The following NOS1 variants were observed in gnomAD, a reference collection of about 807,000 sequenced individuals.
The protein encoded by NOS1 is nitric oxide synthase 1.
Under a neutral mutation model 164.5 loss-of-function variants are expected in NOS1, and 51 were observed. The ratio of observed to expected loss-of-function variants is 0.31; its 90% CI spans 0.25 to 0.39. The LOEUF is 0.39. Ranked by LOEUF, NOS1 falls within the 10% of genes least tolerant of loss-of-function variation. The pLI is 1.00. For synonymous variants in NOS1, 719 were observed against 745.8 expected (o/e 0.96, Z 0.59); for missense variants, 1,362 against 1,885.6 (o/e 0.72, Z 5.14).
At chr12:117,347,475 C>T (rs1047101476) in intron 1 of NOS1, among the ~76,000 whole-genome samples, 9 of 152,104 alleles carry the variant, frequency 5.9e-5, no homozygotes, top group African/African-American at 2.2e-4. Flanking sequence ...GGGGCATGAG[C>T]TCTCTGGTTC....
At chr12:117,245,030 G>A (rs901356752) in intron 18 of NOS1, among the ~76,000 whole-genome samples, 6 of 152,162 alleles carry the variant, frequency 3.9e-5, no homozygotes, top group South Asian at 2.1e-4. Context: ...ATAAAAAGCC[G>A]TTATCTCATC....
chr12:117,353,140 C>T (rs1047335589), intron 1 of NOS1, among the ~76,000 whole-genome samples: 4 of 152,040 alleles, frequency 2.6e-5, no homozygotes, highest in African/African-American at 9.7e-5. Context: ...ATCTATCTAC[C>T]TACCTATATA....
intron 20 of NOS1, among the ~76,000 whole-genome samples, chr12:117,238,119 T>A (rs1358162017): frequency 6.6e-6 from 1 of 152,026 alleles, no homozygotes; most frequent in Non-Finnish European, 1.5e-5. Context: ...AGTGGCCAGA[T>A]CACAAGAGCC....
At chr12:117,324,138 G>A (rs1212105305) in intron 2 of NOS1, among the ~76,000 whole-genome samples, 6 of 152,088 alleles carry the variant, frequency 3.9e-5, no homozygotes, top group Non-Finnish European at 8.8e-5. Flanking sequence ...GCATCCTGTG[G>A]CCAGTGCTGT....
chr12:117,333,899 G>C (rs1026049856), intron 1 of NOS1, among the ~76,000 whole-genome samples: 4 of 152,278 alleles, frequency 2.6e-5, no homozygotes, highest in African/African-American at 4.8e-5. Flanking sequence ...GATGCTCACT[G>C]TTCAGTTGGT....
chr12:117,290,157 A>G (rs1872952086), intron 4 of NOS1, 141 bp downstream of exon 4: 1 of 900,710 alleles, frequency 1.1e-6, no homozygotes, highest in African/African-American at 1.7e-5. Context: ...GGGCGTACTG[A>G]CATCTAGGGG....
At chr12:117,328,569 T>A (rs543219648) in intron 2 of NOS1, among the ~76,000 whole-genome samples, 29 of 151,968 alleles carry the variant, frequency 1.9e-4, no homozygotes, top group African/African-American at 5.5e-4. Flanking sequence ...TTTTGTTCCT[T>A]TTTTTTTGAG....
At chr12:117,338,076 G>T (rs1312960643) in intron 1 of NOS1, among the ~76,000 whole-genome samples, 1 of 152,046 alleles carries the variant, frequency 6.6e-6, no homozygotes, top group Non-Finnish European at 1.5e-5. Flanking sequence ...AGTTAGCTGG[G>T]TGTGGTGGCA....
chr12:117,276,200 G>A (rs555499230), intron 9 of NOS1, among the ~76,000 whole-genome samples: 10 of 152,160 alleles, frequency 6.6e-5, no homozygotes, highest in African/African-American at 2.4e-4. Context: ...CAATTCCACT[G>A]TTTATTTTAA....
intron 28 of NOS1, 41 bp downstream of exon 28, chr12:117,218,005 G>T (rs750824910): frequency 3.5e-6 from 5 of 1,413,170 alleles, no homozygotes; most frequent in Non-Finnish European, 5.0e-6. Context: ...CTAGAAGAGA[G>T]GGCTCTTCCT....
chr12:117,243,365 T>C lies in NOS1; in HGVS notation c.2894A>G (p.Asn965Ser). ...IEKANNSLIS[N>S]DRSWKRNKFR... ...CTTGTTTCTCTTCCAGCTGCGATCA[T>C]TGCTGATGAGGGAATTGTTGGCCTT... is the stretch of plus-strand genomic sequence containing the variant. The change falls in exon 19 of 29, where the codon AAT (asparagine) becomes AGT (serine). Residue 965 changes from asparagine (N) to serine (S), a missense_variant. Coordinates refer to ENST00000317775, the MANE Select transcript of NOS1 (RefSeq NM_000620.5). The surrounding 1 kb of genome is among the most constrained non-coding windows in gnomAD (Gnocchi z 4.3). 1 of 1,614,166 alleles carries C rather than the reference T, an allele frequency of 6.2e-7. No homozygotes were observed. Among genetic ancestry groups the C allele is most frequent in the South Asian group, 1.1e-5 (1 of 91,078 alleles).
In NOS1 at chr12:117,299,408, G is replaced by C. The variant is rs185428584; in HGVS notation, c.853-8982C>G. Among the ~76,000 whole-genome samples, 749 of 152,152 alleles carry C rather than the reference G, an allele frequency of 4.9e-3. 7 individuals carry two copies. The highest frequency in any genetic ancestry group is 4.5e-3 in the Non-Finnish European group (303 of 67,976). ...AATCCCAGCACTTTGGGAGGCCGAG[G>C]TGGGCGGATCACGAGGTCAGGAGAT... On this transcript the variant is annotated intron_variant, in intron 3 of 28. Transcript: ENST00000317775.
rs1263579932 is a variant in NOS1, at chr12:117,285,079, T to A, written c.1382+162A>T. On this transcript the variant is annotated intron_variant, in intron 7 of 28. Coordinates refer to ENST00000317775, the MANE Select transcript of NOS1 (RefSeq NM_000620.5). The stretch of plus-strand genomic sequence containing the variant: ...AAAAAAATAAATAAATAAAATAAAA[T>A]AAAAAATAAAAAAAAAAGATGCCAG... Among the ~76,000 whole-genome samples the A allele has an allele frequency of 2.4e-4, 36 of 148,510 alleles. No homozygotes were observed. The East Asian group carries it at 6.7e-3, about 28-fold the overall frequency.
intron 8 of NOS1, among the ~76,000 whole-genome samples, chr12:117,279,905 G>A (rs1162255006): frequency 3.9e-5 from 6 of 152,212 alleles, no homozygotes; most frequent in Non-Finnish European, 7.3e-5. Context: ...AGGGAGTGGA[G>A]CAGCCCTTAG....
chr12:117,294,340 G>A (rs1220382109), intron 3 of NOS1, among the ~76,000 whole-genome samples: 1 of 152,158 alleles, frequency 6.6e-6, no homozygotes, highest in Non-Finnish European at 1.5e-5. Context: ...TCACCAGGGA[G>A]GGGGAGGAGC....
chr12:117,215,207 G>C lies in NOS1; in HGVS notation c.*102C>G. The stretch of plus-strand genomic sequence containing the variant: ...AGGGAAACCAGGGCACAGCGACAAG[G>C]ACAGGAGGCAGAGCGAGGGCCACAG... On this transcript the variant is annotated 3_prime_UTR_variant, in exon 29 of 29. Coordinates refer to ENST00000317775, the MANE Select transcript of NOS1 (RefSeq NM_000620.5). 1 of 1,382,426 alleles carries C rather than the reference G, an allele frequency of 7.2e-7. No individual in the cohort carries two copies. Among genetic ancestry groups the C allele is most frequent in the Non-Finnish European group, 9.5e-7 (1 of 1,057,310 alleles). 85.6% of individuals were successfully genotyped at this position (1,382,426 alleles called of 1,614,324 possible).
In NOS1 at chr12:117,211,780, C is replaced by T; in HGVS notation, c.*3529G>A. On this transcript the variant is annotated 3_prime_UTR_variant, in exon 29 of 29. Transcript: ENST00000317775. Reference sequence around the variant, plus strand: ...GTGTCTCTCTCCATCAGATTATAACCTTTGGCTGGGCGTGGTGGCTCATGC... The same window carrying T: ...GTGTCTCTCTCCATCAGATTATAACTTTTGGCTGGGCGTGGTGGCTCATGC... The T allele has an allele frequency of 1.0e-6, 1 of 985,318 alleles. No homozygotes were observed. The highest frequency in any genetic ancestry group is 1.2e-6 in the Non-Finnish European group (1 of 829,938). 61.0% of individuals were successfully genotyped at this position (985,318 alleles called of 1,614,324 possible). A position where few individuals can be genotyped will look rare whatever the true frequency, so the allele number is the denominator to read the frequency against.
chr12:117,241,832 T>A (rs1040875975), intron 20 of NOS1, among the ~76,000 whole-genome samples: 2 of 152,162 alleles, frequency 1.3e-5, no homozygotes, highest in African/African-American at 4.8e-5. Context: ...AATAATAACC[T>A]CAGCATATTT....
chr12:117,274,709 GCAGTGA>G, intron 9 of NOS1, among the ~76,000 whole-genome samples: 1 of 142,476 alleles, frequency 7.0e-6, no homozygotes, highest in Non-Finnish European at 1.5e-5. Context: ...GGTGGAGGTT[GCAGTGA>G]GCCAAGATGG....
Sources: allele counts gnomAD v4.1 joint callset (sites outside exome capture counted in the v4.1 genomes callset), GRCh38; gene constraint gnomAD v4.1.1; non-coding constraint Gnocchi (gnomAD v3.1); transcripts MANE v1.5; gene names NCBI Gene and HGNC (gene_info 2026-07-23, HGNC 2026-07-21).